CLIC4: variants seen among roughly 807,000 people sequenced by gnomAD.
The protein encoded by CLIC4 is CLIC family member 4, also known as chloride intracellular channel protein 4.
Under a neutral mutation model 24.6 loss-of-function variants are expected in CLIC4, and 13 were observed. The observed-to-expected ratio is 0.53, with a 90% CI of 0.34 to 0.84. The LOEUF (loss-of-function observed/expected upper bound fraction) is 0.84. Ranked by LOEUF, CLIC4 falls within the 40% of genes least tolerant of loss-of-function variation. The pLI, the probability that CLIC4 is intolerant of heterozygous loss-of-function variation, is 0.01. For missense variants in CLIC4, 227 were observed against 301.7 expected, an observed-to-expected ratio of 0.75 and a Z score of 1.83; for synonymous variants, 104 against 111.3, an observed-to-expected ratio of 0.93 and a Z score of 0.41.
rs1472966733 is a variant in CLIC4 at position 24,842,146 on chromosome 1, T to C, written c.*1209T>C. The C allele has an allele frequency of 6.6e-6, 1 of 152,212 alleles. No individual in the cohort carries two copies. Among genetic ancestry groups the C allele is most frequent in the Non-Finnish European group, 1.5e-5 (1 of 68,012 alleles). The allele number at this position is 152,212 out of a possible 1,614,324, so 9.4% of individuals were successfully genotyped here. On this transcript the variant is annotated 3_prime_UTR_variant, in exon 6 of 6. Coordinates refer to ENST00000374379, the MANE Select transcript of CLIC4 (RefSeq NM_013943.3). Reference sequence around the variant, plus strand: ...TGTAGTTTTGCCTGATCTCACTCATTGCACTTCCTGGAGTTAAATTTTCCA... The same window carrying C: ...TGTAGTTTTGCCTGATCTCACTCATCGCACTTCCTGGAGTTAAATTTTCCA...
intron 1 of CLIC4, among the ~76,000 whole-genome samples, chr1:24,796,956 A>ATTT (rs1228731914): frequency 1.3e-5 from 2 of 148,292 alleles, no homozygotes; most frequent in Non-Finnish European, 1.5e-5. Flanking sequence ...TTATTTATTT[A>ATTT]TTTATTTTTT....
In CLIC4 at chr1:24,745,982, C is replaced by G. The variant is rs1265102037; in HGVS notation, c.72+357C>G. ...GCGCGCGGGTCCTGTCACCACCCCC[C>G]GCCCGGGCGCCGGGGCCCGGCCCCA... On this transcript the variant is annotated intron_variant, in intron 1 of 5. Transcript: ENST00000374379. Among the ~76,000 whole-genome samples, 22 of 150,678 alleles carry G rather than the reference C, an allele frequency of 1.5e-4. 1 individual carries two copies. The South Asian group carries it at 4.6e-3, about 31-fold the overall frequency.
chr1:24,768,713 C>T (rs1229694569), intron 1 of CLIC4, among the ~76,000 whole-genome samples: 2 of 151,946 alleles, frequency 1.3e-5, no homozygotes, highest in Non-Finnish European at 2.9e-5. Flanking sequence ...ACCAGCCTGG[C>T]CAAGATGGTG....
chr1:24,828,041 T>C (rs1292590067), intron 4 of CLIC4, among the ~76,000 whole-genome samples: 1 of 152,248 alleles, frequency 6.6e-6, no homozygotes, highest in African/African-American at 2.4e-5. Context: ...AAGAAGTTTA[T>C]GTCAGCAAAT....
intron 1 of CLIC4, among the ~76,000 whole-genome samples, chr1:24,764,974 C>T (rs1571233002): frequency 6.6e-6 from 1 of 152,026 alleles, no homozygotes; most frequent in South Asian, 2.1e-4. Flanking sequence ...GAAAATGTAC[C>T]CTCAGGTGTC....
intron 1 of CLIC4, among the ~76,000 whole-genome samples, chr1:24,773,386 C>G (rs1273311546): frequency 6.6e-6 from 1 of 152,062 alleles, no homozygotes; most frequent in African/African-American, 2.4e-5. Context: ...CTTTGTGAAT[C>G]TAGTTTATAC....
Position 24,745,582 on chromosome 1 carries a change from T to C in CLIC4, c.29T>C (p.Leu10Pro), listed in dbSNP as rs1229444213. MALSMPLNG[L>P]KEEDKEPLIE... ...GCGTTGTCGATGCCGCTGAATGGGC[T>C]GAAGGAGGAGGACAAAGAGCCCCTC... Residue 10 changes from leucine to proline, a missense_variant, in exon 1 of 6, where the codon CTG becomes CCG. Physicochemically the swap from Leu to Pro is moderately conservative, Grantham distance 98. Coordinates refer to ENST00000374379, the MANE Select transcript of CLIC4 (RefSeq NM_013943.3). 6.3e-7 allele frequency: 1 copy of C among 1,592,108 alleles called. No homozygotes were observed. The highest frequency in any genetic ancestry group is 1.7e-5 in the Admixed American group (1 of 57,404).
intron 1 of CLIC4, among the ~76,000 whole-genome samples, chr1:24,756,328 A>C (rs1638849513): frequency 6.6e-6 from 1 of 152,222 alleles, no homozygotes; most frequent in South Asian, 2.1e-4. Flanking sequence ...AGTAACTATT[A>C]GAACCAGGGC....
At chr1:24,832,138 A>G (rs181025337) in intron 4 of CLIC4, among the ~76,000 whole-genome samples, 3 of 152,250 alleles carry the variant, frequency 2.0e-5, no homozygotes, top group Admixed American at 6.5e-5. Flanking sequence ...AGCTAACTAT[A>G]TGCATTATTG....
At chr1:24,751,879 C>G (rs954372114) in intron 1 of CLIC4, among the ~76,000 whole-genome samples, 7 of 152,102 alleles carry the variant, frequency 4.6e-5, no homozygotes, top group Non-Finnish European at 8.8e-5. Flanking sequence ...ACAATCAAAT[C>G]AAAAAACAGA....
intron 1 of CLIC4, chr1:24,778,020 T>C (rs2124109361): frequency 6.6e-6 from 1 of 152,338 alleles, no homozygotes; most frequent in South Asian, 2.1e-4. Flanking sequence ...AAATTTAATA[T>C]AACATTTGTG....
intron 3 of CLIC4, among the ~76,000 whole-genome samples, chr1:24,815,905 A>T: frequency 6.6e-6 from 1 of 152,162 alleles, no homozygotes; most frequent in Non-Finnish European, 1.5e-5. Context: ...AGTCGATGTA[A>T]TATTCTAAAT....
At chr1:24,791,904 C>T (rs1639343862) in intron 1 of CLIC4, among the ~76,000 whole-genome samples, 2 of 149,350 alleles carry the variant, frequency 1.3e-5, no homozygotes, top group African/African-American at 5.0e-5. Context: ...AATAAATAAG[C>T]CAGCCATGGT....
At chr1:24,840,153 C>T (rs1639927938) in intron 5 of CLIC4, 112 bp downstream of exon 5, 1 of 1,004,890 alleles carries the variant, frequency 1.0e-6, no homozygotes, top group African/African-American at 1.6e-5. Context: ...AGTTGTTTAA[C>T]TCAATGCTGT....
rs549661821 is a variant in CLIC4 at position 24,829,775 on chromosome 1, C to G, written c.415+2659C>G. Among the ~76,000 whole-genome samples, 7 of 152,314 alleles carry G rather than the reference C, an allele frequency of 4.6e-5. No individual in the cohort carries two copies. In the East Asian group the frequency reaches 1.3e-3, roughly 29 times the overall value. On this transcript the variant is annotated intron_variant, in intron 4 of 5. Transcript: ENST00000374379. ...TTAGTTCCTTTTTATTCAGGATCCT[C>G]TCCTTTCTCCTCTCCCCACTACTCC...
chr1:24,801,358 T>C (rs937838492), intron 2 of CLIC4, among the ~76,000 whole-genome samples: 1 of 152,152 alleles, frequency 6.6e-6, no homozygotes, highest in Non-Finnish European at 1.5e-5. Flanking sequence ...ATGTCTTTCA[T>C]GGCCGGAGAA....
In CLIC4 at chr1:24,839,748, T is replaced by C. The variant is rs1323378461; in HGVS notation, c.416-112T>C. On this transcript the variant is annotated intron_variant, in intron 4 of 5. Transcript: ENST00000374379. The stretch of plus-strand genomic sequence containing the variant: ...GTCTGTTTTGTTCTACAGTACCTTG[T>C]TTCAGAGTAAACATTTTTAAACAGT... 3 of 933,264 alleles carry C rather than the reference T, an allele frequency of 3.2e-6. No individual in the cohort carries two copies. The Admixed American group carries it at 8.2e-5, about 26-fold the overall frequency. The allele number at this position is 933,264 out of a possible 1,614,324, so 57.8% of individuals were successfully genotyped here.
intron 1 of CLIC4, among the ~76,000 whole-genome samples, chr1:24,768,842 A>C (rs998481335): frequency 9.9e-5 from 15 of 150,812 alleles, no homozygotes; most frequent in Non-Finnish European, 1.8e-4. Flanking sequence ...TGGAGGTTGC[A>C]GTGAGCCGAG....
intron 1 of CLIC4, among the ~76,000 whole-genome samples, chr1:24,751,138 C>G (rs1053880852): frequency 1.3e-5 from 2 of 151,962 alleles, no homozygotes; most frequent in African/African-American, 4.8e-5. Context: ...TTTCTCTAGC[C>G]TCCAGTCTCC....
Sources: allele counts gnomAD v4.1 joint callset (sites outside exome capture counted in the v4.1 genomes callset), GRCh38; gene constraint gnomAD v4.1.1; transcripts MANE v1.5; gene names NCBI Gene and HGNC (gene_info 2026-07-23, HGNC 2026-07-21).